Variants in AGBL2 observed in about 807,000 individuals in gnomAD.
AGBL2 encodes the protein AGBL carboxypeptidase 2.
A neutral mutation model predicts 103.0 loss-of-function variants in AGBL2; 87 were observed. The ratio of observed to expected loss-of-function variants is 0.84; its 90% CI spans 0.71 to 1.01. The LOEUF (loss-of-function observed/expected upper bound fraction) is 1.01. AGBL2 is among the 50% of genes least tolerant of loss of function. The pLI, the probability that AGBL2 is intolerant of heterozygous loss-of-function variation, is 0.00. For missense variants in AGBL2, 904 were observed against 1,023.5 expected, an observed-to-expected ratio of 0.88 and a Z score of 1.59; for synonymous variants, 335 against 356.7, an observed-to-expected ratio of 0.94 and a Z score of 0.69.
In AGBL2 at chr11:47,676,142, G is replaced by A. The variant is rs180725372; in HGVS notation, c.2147+1129C>T. ...ATAATGGACATTACAAACTTAACAA[G>A]CCTAACACTAGACTCCTGATCTTCA... On this transcript the variant is annotated intron_variant, in intron 14 of 18. Transcript: ENST00000525123. Among the ~76,000 whole-genome samples, 146 of 152,026 alleles carry A rather than the reference G, an allele frequency of 9.6e-4. 2 individuals carry two copies. Among genetic ancestry groups the A allele is most frequent in the African/African-American group, 3.4e-3 (143 of 41,484 alleles).
chr11:47,686,194 T>C, intron 10 of AGBL2, 145 bp from the exon 11 acceptor site: 1 of 759,990 alleles, frequency 1.3e-6, no homozygotes, highest in Non-Finnish European at 2.1e-6. Flanking sequence ...CAATGGACCC[T>C]ATCTCCATTC....
rs79739119 is a variant in AGBL2 at position 47,704,602 on chromosome 11, A to T, written c.527T>A (p.Leu176Gln). The T allele has an allele frequency of 6.2e-7, 1 of 1,614,100 alleles. No homozygotes were observed. The highest frequency in any genetic ancestry group is 1.3e-5 in the African/African-American group (1 of 75,014). ...TTCAATTGGCCATCTTGGAGCCTGC[A>T]GTGGCCTCTTGGTAGACAAAATGGA... ...LFSILSTKRP[L>Q]QAPRWPIECE... is the part of the protein sequence containing the mutation. The change falls in exon 7 of 19, where the codon CTG (leucine) becomes CAG (glutamine). Residue 176 changes from leucine to glutamine, a missense_variant. Leu to Gln is a moderately radical substitution (Grantham distance 113). Coordinates refer to ENST00000525123, the MANE Select transcript of AGBL2 (RefSeq NM_024783.4).
intron 14 of AGBL2, among the ~76,000 whole-genome samples, chr11:47,669,224 T>C (rs2097349964): frequency 6.6e-6 from 1 of 152,156 alleles, no homozygotes; most frequent in Non-Finnish European, 1.5e-5. Flanking sequence ...CATGCCGCCA[T>C]GCCTGGCTAA....
At chr11:47,714,368 T>G (rs755939940) in intron 2 of AGBL2, 21 bp from the exon 3 acceptor site, 34 of 1,605,250 alleles carry the variant, frequency 2.1e-5, no homozygotes, top group Middle Eastern at 3.3e-4. Flanking sequence ...AAAGGCCACT[T>G]CAATCAAGAT....
At chr11:47,662,931 G>A in intron 18 of AGBL2, 95 bp downstream of exon 18, 2 of 1,034,134 alleles carry the variant, frequency 1.9e-6, no homozygotes, top group South Asian at 1.4e-5. Context: ...AAACTGGACT[G>A]TGCATCACCG....
chr11:47,704,442 CATTG>C, intron 7 of AGBL2, 97 bp downstream of exon 7: 1 of 1,012,176 alleles, frequency 9.9e-7, no homozygotes, highest in Non-Finnish European at 1.4e-6. Flanking sequence ...GAGATTGCGC[CATTG>C]CACTCCAGCC....
intron 4 of AGBL2, among the ~76,000 whole-genome samples, chr11:47,706,888 T>TACA (rs2097522126): frequency 7.3e-5 from 1 of 13,774 alleles, no homozygotes; most frequent in African/African-American, 2.3e-4. Flanking sequence ...GTCTCTACTA[T>TACA]TCCAAAAAAA....
intron 2 of AGBL2, 112 bp downstream of exon 2, chr11:47,714,506 A>G: frequency 7.2e-7 from 1 of 1,383,008 alleles, no homozygotes; most frequent in Non-Finnish European, 1.0e-6. Context: ...TCCAGCTGAG[A>G]AAAGATGCCA....
At chr11:47,698,514 G>T (rs1364833704) in intron 8 of AGBL2, among the ~76,000 whole-genome samples, 3 of 152,108 alleles carry the variant, frequency 2.0e-5, no homozygotes, top group African/African-American at 7.2e-5. Flanking sequence ...CTTGCTTTGG[G>T]TTTAGTTGGC....
intron 8 of AGBL2, among the ~76,000 whole-genome samples, chr11:47,693,104 GCCATTGCATCCTGC>G (rs1359485572): frequency 6.6e-6 from 1 of 152,036 alleles, no homozygotes; most frequent in African/African-American, 2.4e-5. Context: ...ACAGACATGA[GCCATTGCATCCTGC>G]AGATACCTGT....
At chr11:47,705,802 G>GTGA (rs1356533081) in intron 5 of AGBL2, 62 bp downstream of exon 5, 2 of 1,421,718 alleles carry the variant, frequency 1.4e-6, no homozygotes, top group African/African-American at 1.4e-5. Flanking sequence ...GGAACAGCAG[G>GTGA]TGATGAAGAC....
rs914686976 is a variant in AGBL2, at chr11:47,699,543, T to A, written c.597A>T (p.Pro199=). The change falls in exon 8 of 19, where the codon CCA becomes CCT. Residue 199 remains proline (P), a synonymous_variant. Transcript: ENST00000525123. ...KENIHHIEWA[P]PQPEYFYQPK... ...GCTGATAGAAATATTCTGGTTGAGG[T>A]GGAGCCCACTCTGAAAGAAGACATT... The A allele has an allele frequency of 5.0e-6, 8 of 1,594,654 alleles. No homozygotes were observed. Among genetic ancestry groups the A allele is most frequent in the Non-Finnish European group, 6.9e-6 (8 of 1,167,456 alleles).
At chr11:47,692,402 ATCTTT>A in intron 8 of AGBL2, 146 bp from the exon 9 acceptor site, 5 of 275,846 alleles carry the variant, frequency 1.8e-5, no homozygotes, top group Non-Finnish European at 1.2e-5. Context: ...GAGACTTTTA[ATCTTT>A]TTTTTTTTTT....
chr11:47,706,830 T>A (rs1318506714), intron 4 of AGBL2, among the ~76,000 whole-genome samples: 1 of 135,764 alleles, frequency 7.4e-6, no homozygotes, highest in Non-Finnish European at 1.6e-5. Flanking sequence ...AGGCGGATCA[T>A]TTGAGGTCAG....
At chr11:47,697,267 T>C (rs2097478342) in intron 8 of AGBL2, among the ~76,000 whole-genome samples, 1 of 151,808 alleles carries the variant, frequency 6.6e-6, no homozygotes, top group East Asian at 1.9e-4. Flanking sequence ...AGATGGAGTC[T>C]CGGTCTGTCG....
In AGBL2 at chr11:47,705,849, A is replaced by T. The variant is rs762550625; in HGVS notation, c.286+15T>A. 1.9e-6 allele frequency: 3 copies of T among 1,612,616 alleles called. No homozygotes were observed. The Admixed American group carries it at 5.0e-5, about 27-fold the overall frequency. On this transcript the variant is annotated intron_variant, in intron 5 of 18. Coordinates refer to ENST00000525123, the MANE Select transcript of AGBL2 (RefSeq NM_024783.4). The stretch of plus-strand genomic sequence containing the variant: ...AAGGAGCTTGAATCTTCTGGTCTGG[A>T]AGGACATGAAATACCTCTGTTGATG...
In AGBL2 at chr11:47,682,019, C is replaced by A; in HGVS notation, c.1865G>T (p.Gly622Val). ...CTCCATGGTGTAGCTGTTTAGGATT[C>A]CCATCCGCCACATAACAACTCGTCC... ...GTGRVVMWRM[G>V]ILNSYTMEST... is the part of the protein sequence containing the mutation. The change falls in exon 12 of 19, where the codon GGA becomes GTA. Residue 622 changes from glycine (G) to valine (V), a missense_variant. Transcript: ENST00000525123. 1.2e-6 allele frequency: 2 copies of A among 1,614,122 alleles called. No individual in the cohort carries two copies. Among genetic ancestry groups the A allele is most frequent in the Non-Finnish European group, 1.7e-6 (2 of 1,179,998 alleles).
intron 1 of AGBL2, 194 bp downstream of exon 1, chr11:47,714,981 G>A (rs960249589): frequency 2.1e-5 from 7 of 330,278 alleles, no homozygotes; most frequent in African/African-American, 8.6e-5. Flanking sequence ...GGAGATGCTC[G>A]CCACAGGAAA....
At position 47,714,745 on chromosome 11, in the gene AGBL2, G is replaced by A. The variant is rs755306500; in HGVS notation, c.-95C>T. 3 of 1,285,394 alleles carry A rather than the reference G, an allele frequency of 2.3e-6. No homozygotes were observed. Among genetic ancestry groups the A allele is most frequent in the Non-Finnish European group, 3.4e-6 (3 of 881,554 alleles). The allele number at this position is 1,285,394 out of a possible 1,614,324, so 79.6% of individuals were successfully genotyped here. A position where few individuals can be genotyped will look rare whatever the true frequency, so the allele number is the denominator to read the frequency against. The stretch of plus-strand genomic sequence containing the variant: ...TCCAAATAGGCAGCTGATTACACAA[G>A]AGAAGCTACAAAGCCACAAGAGGAC... On this transcript the variant is annotated 5_prime_UTR_variant, in exon 2 of 19. Transcript: ENST00000525123.
Sources: allele counts gnomAD v4.1 joint callset (sites outside exome capture counted in the v4.1 genomes callset), GRCh38; gene constraint gnomAD v4.1.1; transcripts MANE v1.5; gene names NCBI Gene and HGNC (gene_info 2026-07-23, HGNC 2026-07-21).